The following QRICH2 variants were observed in gnomAD, a reference collection of about 807,000 sequenced individuals.
The protein encoded by QRICH2 is glutamine rich 2, also known as glutamine-rich protein 2.
In QRICH2, 119 loss-of-function variants were observed where a neutral mutation model predicts 168.3. That is an observed-to-expected ratio of 0.71 (90% CI 0.61 to 0.82). The LOEUF (loss-of-function observed/expected upper bound fraction) is 0.82. Ranked by LOEUF, QRICH2 falls within the 40% of genes least tolerant of loss-of-function variation. QRICH2 has a pLI of 0.00. For missense variants in QRICH2, 2,241 were observed against 2,491.6 expected (o/e 0.90, Z 2.14); for synonymous variants, 894 against 951.2 (o/e 0.94, Z 1.11).
At position 76,280,519 on chromosome 17, in the gene QRICH2, G is replaced by A; in HGVS notation, c.4462-68C>T. 6.3e-7 allele frequency: 1 copy of A among 1,594,214 alleles called. No homozygotes were observed. The highest frequency in any genetic ancestry group is 8.6e-7 in the Non-Finnish European group (1 of 1,167,310). On this transcript the variant is annotated intron_variant, in intron 10 of 18. Coordinates refer to ENST00000680821, the MANE Select transcript of QRICH2 (RefSeq NM_001388453.1). This position sits in a 1 kb window ranked among gnomAD's most constrained non-coding sequence, Gnocchi z 7.4. ...CATGGAGGGGCCCCATTCCCTGGGGGTGTCGACCCCTATCACCAGGCAGGT... is the reference window on the plus strand; with the variant it reads ...CATGGAGGGGCCCCATTCCCTGGGGATGTCGACCCCTATCACCAGGCAGGT...
chr17:76,276,219 G>A (rs1308832821), intron 17 of QRICH2, among the ~76,000 whole-genome samples: 2 of 152,102 alleles, frequency 1.3e-5, no homozygotes, highest in Non-Finnish European at 2.9e-5. Context: ...GGGTTTCCAG[G>A]GCAGGAAGGG....
At chr17:76,277,953 T>G (rs1282329683) in intron 15 of QRICH2, 36 bp downstream of exon 15, 1 of 1,598,476 alleles carries the variant, frequency 6.3e-7, no homozygotes, top group South Asian at 1.1e-5. Context: ...GGTCACTGGG[T>G]GCCTGCTCCC....
intron 15 of QRICH2, among the ~76,000 whole-genome samples, chr17:76,277,700 GCA>G (rs1028480900): frequency 6.6e-6 from 1 of 151,090 alleles, no homozygotes; most frequent in Non-Finnish European, 1.5e-5. Context: ...ACTCATACAT[GCA>G]CACACATACT....
upstream of QRICH2, among the ~76,000 whole-genome samples, chr17:76,308,934 A>AT: frequency 6.8e-6 from 1 of 146,288 alleles, no homozygotes; most frequent in Non-Finnish European, 1.5e-5. Context: ...TTTAGCAGAG[A>AT]CGGGGTTTCA....
chr17:76,288,277 A>C (rs1006750159), intron 5 of QRICH2, among the ~76,000 whole-genome samples: 2 of 150,638 alleles, frequency 1.3e-5, no homozygotes, highest in East Asian at 2.0e-4. Flanking sequence ...CCAGCTACTC[A>C]GGAGGCTGAG....
At position 76,280,824 on chromosome 17, in the gene QRICH2, C is replaced by T. The variant is rs773961310; in HGVS notation, c.4386+7G>A. On this transcript the variant is annotated splice_region_variant and intron_variant, in intron 9 of 18. Coordinates refer to ENST00000680821, the MANE Select transcript of QRICH2 (RefSeq NM_001388453.1). The surrounding 1 kb of genome is among the most constrained non-coding windows in gnomAD (Gnocchi z 7.4). The stretch of plus-strand genomic sequence containing the variant: ...GGCCCCATCCCAGCCACCCTGCGGC[C>T]GCTCACAGCAATGTCCTTCTGTTTC... 80 of 1,613,988 alleles carry T rather than the reference C, an allele frequency of 5.0e-5. No individual in the cohort carries two copies. Among genetic ancestry groups the T allele is most frequent in the South Asian group, 3.5e-4 (32 of 91,086 alleles).
At chr17:76,302,877 T>C (rs1449436826) in intron 3 of QRICH2, among the ~76,000 whole-genome samples, 2 of 151,882 alleles carry the variant, frequency 1.3e-5, no homozygotes, top group East Asian at 3.8e-4. Flanking sequence ...CTTTCCAGTT[T>C]ACCTACTTTT....
In QRICH2 at chr17:76,291,343, A is replaced by G; in HGVS notation, c.3384T>C (p.Gly1128=). Residue 1128 remains glycine (G), a synonymous_variant, in exon 4 of 19, where the codon GGT becomes GGC. Coordinates refer to ENST00000680821, the MANE Select transcript of QRICH2 (RefSeq NM_001388453.1). Reference sequence around the variant, plus strand: ...AGGCTCGTGTTCTATTTGGATCCAAACCTTCCTGGCCATGCTGATCAGCAC... The same window carrying G: ...AGGCTCGTGTTCTATTTGGATCCAAGCCTTCCTGGCCATGCTGATCAGCAC... ...YLSADQHGQE[G]LDPNRTRASD... The G allele has an allele frequency of 6.2e-7, 1 of 1,613,908 alleles. No individual in the cohort carries two copies. The highest frequency in any genetic ancestry group is 8.5e-7 in the Non-Finnish European group (1 of 1,179,976).
chr17:76,309,622 C>G (rs952614881), upstream of QRICH2: 2 of 152,244 alleles, frequency 1.3e-5, no homozygotes, highest in Non-Finnish European at 2.9e-5. Context: ...TTTAACCAAC[C>G]ACGACTGAAC....
chr17:76,304,567 A>G, intron 2 of QRICH2, 42 bp from the exon 3 acceptor site: 1 of 1,391,382 alleles, frequency 7.2e-7, no homozygotes, highest in Non-Finnish European at 1.0e-6. Flanking sequence ...CCCCTTGATT[A>G]ATCCCAAGCA....
rs118098530 is a variant in QRICH2 at position 76,293,567 on chromosome 17, G to A, written c.1160C>T (p.Pro387Leu). Residue 387 changes from proline to leucine, a missense_variant, in exon 4 of 19, where the codon CCA (proline) becomes CTA (leucine). By Grantham distance (98) the Pro-to-Leu change is moderately conservative. Coordinates refer to ENST00000680821, the MANE Select transcript of QRICH2 (RefSeq NM_001388453.1). ...PASQSQVHLR[P>L]DRRGLEPTGM... ...AGTTGGTTCTAACCCACGACGATCT[G>A]GCCTTAGATGGACCTGACTCTGGCT... The A allele has an allele frequency of 0.023, 37,769 of 1,614,178 alleles. 541 individuals carry two copies. The highest frequency in any genetic ancestry group is 0.029 in the Non-Finnish European group (34,393 of 1,180,032).
At position 76,291,165 on chromosome 17, in the gene QRICH2, A is replaced by G. The variant is rs748050835; in HGVS notation, c.3562T>C (p.Ser1188Pro). 9 of 1,614,114 alleles carry G rather than the reference A, an allele frequency of 5.6e-6. No individual in the cohort carries two copies. The South Asian group carries it at 9.9e-5, about 18-fold the overall frequency. Residue 1188 changes from serine to proline, a missense_variant, in exon 4 of 19, where the codon TCT (serine) becomes CCT (proline). Transcript: ENST00000680821. Reference protein sequence around the residue: ...ERRNSLRRMSSSFPTAVETFH... With the variant: ...ERRNSLRRMSPSFPTAVETFH... Reference sequence around the variant, plus strand: ...GTCTCCACTGCCGTGGGGAAACTAGAACTCATTCTACGCAGTGAATTGCGT... The same window carrying G: ...GTCTCCACTGCCGTGGGGAAACTAGGACTCATTCTACGCAGTGAATTGCGT...
chr17:76,304,068 T>C (rs1255776654), intron 3 of QRICH2, among the ~76,000 whole-genome samples: 1 of 152,014 alleles, frequency 6.6e-6, no homozygotes, highest in Non-Finnish European at 1.5e-5. Context: ...TCCAGTGGGT[T>C]GGCAAAGCTA....
intron 3 of QRICH2, among the ~76,000 whole-genome samples, chr17:76,300,664 C>T (rs2070882194): frequency 6.6e-6 from 1 of 152,104 alleles, no homozygotes; most frequent in African/African-American, 2.4e-5. Context: ...TGCAGTGGCT[C>T]AATCCCAGCA....
In QRICH2 at chr17:76,274,155, T is replaced by G; in HGVS notation, c.5588A>C (p.Glu1863Ala). ...CCCAGGAGGCATGTCCACGTGCCTC[T>G]CCAGCCCCCTGTTTGCCACCGCGGC... The part of the protein sequence containing the change: ...SSAAVANRGL[E>A]RHVDMPPGEG... Residue 1863 changes from glutamate to alanine, a missense_variant, in exon 19 of 19, where the codon GAG (glutamate) becomes GCG (alanine). By Grantham distance (107) the Glu-to-Ala change is moderately radical. This residue lies in a region of QRICH2 where 189 missense variants were observed against 169.3 expected (regional missense o/e 1.12). Coordinates refer to ENST00000680821, the MANE Select transcript of QRICH2 (RefSeq NM_001388453.1). The G allele has an allele frequency of 6.3e-7, 1 of 1,583,584 alleles. No individual in the cohort carries two copies. Among genetic ancestry groups the G allele is most frequent in the Non-Finnish European group, 8.5e-7 (1 of 1,170,454 alleles).
rs1374492130 is a variant in QRICH2 at position 76,308,209 on chromosome 17, G to C, written c.-211C>G. On this transcript the variant is annotated 5_prime_UTR_variant, in exon 1 of 19. Coordinates refer to ENST00000680821, the MANE Select transcript of QRICH2 (RefSeq NM_001388453.1). ...GGTCCGCGATGGCCACCCCTCCGCT[G>C]TCTGTCGCTGGCCTCGGGTCCCCGA... 2 of 985,326 alleles carry C rather than the reference G, an allele frequency of 2.0e-6. No homozygotes were observed. The allele number at this position is 985,326 out of a possible 1,614,324, so 61.0% of individuals were successfully genotyped here.
intron 13 of QRICH2, 81 bp from the exon 14 acceptor site, chr17:76,279,223 C>T: frequency 7.4e-7 from 1 of 1,351,498 alleles, no homozygotes; most frequent in Non-Finnish European, 1.0e-6. Flanking sequence ...AAAGAACCTT[C>T]CCACCCGCCC....
intron 7 of QRICH2, 37 bp from the exon 8 acceptor site, chr17:76,282,152 G>A: frequency 6.4e-7 from 1 of 1,566,156 alleles, no homozygotes; most frequent in Non-Finnish European, 8.7e-7. Flanking sequence ...AGGGCAGTGA[G>A]GCCAGTCACG....
intron 3 of QRICH2, 87 bp downstream of exon 3, chr17:76,304,328 A>G: frequency 7.5e-6 from 6 of 804,626 alleles, no homozygotes; most frequent in Admixed American, 2.3e-5. Context: ...ATGAATATCC[A>G]TAGAACAGAA....
Sources: allele counts gnomAD v4.1 joint callset (sites outside exome capture counted in the v4.1 genomes callset), GRCh38; gene constraint gnomAD v4.1.1; regional missense constraint gnomAD v4.1.1; non-coding constraint Gnocchi (gnomAD v3.1); transcripts MANE v1.5; gene names NCBI Gene and HGNC (gene_info 2026-07-23, HGNC 2026-07-21).